GSE1: variants seen among roughly 807,000 people sequenced by gnomAD.
GSE1 encodes the protein Gse1 coiled-coil protein, also known as genetic suppressor element 1.
In GSE1, 32 loss-of-function variants were observed where a neutral mutation model predicts 112.6. The observed-to-expected ratio is 0.28, with a 90% CI of 0.21 to 0.38. The LOEUF (loss-of-function observed/expected upper bound fraction) is 0.38, where lower values mean the gene tolerates loss of function less well. Among genes scored for constraint, GSE1 ranks in the 10% least tolerant of loss-of-function variants. GSE1 has a pLI of 1.00. For missense variants in GSE1, 2,348 were observed against 1,699.2 expected (o/e 1.38, Z -6.71); for synonymous variants, 1,115 against 735.6 (o/e 1.52, Z -8.35).
chr16:85,556,760 C>T (rs989951062), intron 1 of GSE1, among the ~76,000 whole-genome samples: 14 of 145,808 alleles, frequency 9.6e-5, no homozygotes, highest in East Asian at 8.3e-4. Flanking sequence ...CCCCCCCCCC[C>T]CCCAGTCCTG....
At chr16:85,599,059 G>C (rs1360734785) in intron 1 of GSE1, among the ~76,000 whole-genome samples, 2 of 152,174 alleles carry the variant, frequency 1.3e-5, no homozygotes. Context: ...TTCGGGTAAG[G>C]CCCACTCACA....
chr16:85,648,017 A>G (rs1003898337), intron 2 of GSE1, among the ~76,000 whole-genome samples: 3 of 149,146 alleles, frequency 2.0e-5, no homozygotes, highest in Non-Finnish European at 3.0e-5. Flanking sequence ...GGGAAGACTC[A>G]GAGGCTTGGG....
At chr16:85,614,314 C>G (rs932233067) in intron 1 of GSE1, among the ~76,000 whole-genome samples, 1 of 152,142 alleles carries the variant, frequency 6.6e-6, no homozygotes, top group African/African-American at 2.4e-5. Flanking sequence ...CCAGAGACAC[C>G]TCCTCGGCCG....
At chr16:85,441,840 C>T (rs1161794589) in intron 2 of GSE1, among the ~76,000 whole-genome samples, 2 of 152,194 alleles carry the variant, frequency 1.3e-5, no homozygotes, top group Non-Finnish European at 2.9e-5. Context: ...CTCCTCGCAG[C>T]AGCCAGAGGG....
chr16:85,365,983 G>A (rs546898609), intron 2 of GSE1, among the ~76,000 whole-genome samples: 33 of 152,358 alleles, frequency 2.2e-4, no homozygotes, highest in African/African-American at 6.5e-4. Context: ...CCTGGCACAC[G>A]GGAATGTGTG....
At chr16:85,521,802 A>AC in intron 2 of GSE1, among the ~76,000 whole-genome samples, 1 of 152,234 alleles carries the variant, frequency 6.6e-6, no homozygotes, top group Non-Finnish European at 1.5e-5. Flanking sequence ...GAGTGTTCTC[A>AC]CCCCATAAAA....
At chr16:85,334,173 C>G (rs1198890529) in intron 1 of GSE1, among the ~76,000 whole-genome samples, 1 of 152,244 alleles carries the variant, frequency 6.6e-6, no homozygotes, top group Non-Finnish European at 1.5e-5. Context: ...TGTGTCGGCA[C>G]TCCTCTACTC....
chr16:85,455,254 C>T (rs1366954469), intron 2 of GSE1, among the ~76,000 whole-genome samples: 1 of 152,206 alleles, frequency 6.6e-6, no homozygotes, highest in Non-Finnish European at 1.5e-5. Flanking sequence ...GGCGTGGTGG[C>T]ACATGCCTGT....
chr16:85,549,539 G>A (rs903284930), intron 2 of GSE1, among the ~76,000 whole-genome samples: 15 of 152,228 alleles, frequency 9.9e-5, no homozygotes, highest in African/African-American at 1.4e-4. Flanking sequence ...GGCTGGGGAT[G>A]CCTCGGTCCC....
chr16:85,658,235 G>A (rs1329188427), intron 8 of GSE1, among the ~76,000 whole-genome samples: 1 of 152,180 alleles, frequency 6.6e-6, no homozygotes, highest in African/African-American at 2.4e-5. Context: ...GCTGGTCCCA[G>A]GCCCCCACGT....
intron 1 of GSE1, among the ~76,000 whole-genome samples, chr16:85,345,961 C>G (rs570543483): frequency 6.6e-6 from 1 of 151,218 alleles, no homozygotes; most frequent in Non-Finnish European, 1.5e-5. Flanking sequence ...CACATGGACA[C>G]GTCAATGAAT....
At chr16:85,478,232 T>G (rs1318486882) in intron 2 of GSE1, among the ~76,000 whole-genome samples, 1 of 152,078 alleles carries the variant, frequency 6.6e-6, no homozygotes, top group African/African-American at 2.4e-5. Context: ...CTGAGGAATA[T>G]TCCATGGCAT....
intron 1 of GSE1, among the ~76,000 whole-genome samples, chr16:85,294,639 CTCTCTCTCTCTCTCTCTCTG>C (rs2045314255): frequency 4.3e-5 from 6 of 140,676 alleles, no homozygotes; most frequent in Admixed American, 2.1e-4. Context: ...CTCTCTCTCT[CTCTCTCTCTCTCTCTCTCTG>C]TCTCTCTCTC....
At chr16:85,375,858 G>A (rs1441067068) in intron 2 of GSE1, among the ~76,000 whole-genome samples, 2 of 152,204 alleles carry the variant, frequency 1.3e-5, no homozygotes, top group Non-Finnish European at 2.9e-5. Context: ...TGTATTAAGT[G>A]CCTACTGCAT....
At chr16:85,404,718 A>T (rs796504945) in intron 2 of GSE1, among the ~76,000 whole-genome samples, 46 of 20,462 alleles carry the variant, frequency 2.2e-3, no homozygotes, top group East Asian at 8.3e-3. Flanking sequence ...TCACTGTTAC[A>T]CTCAGGCCCC....
At chr16:85,252,085 A>T (rs1906546684) in intron 1 of GSE1, among the ~76,000 whole-genome samples, 1 of 152,172 alleles carries the variant, frequency 6.6e-6, no homozygotes, top group African/African-American at 2.4e-5. Context: ...GACTCCGGAG[A>T]CCCAGGGCTG....
intron 2 of GSE1, among the ~76,000 whole-genome samples, chr16:85,400,764 T>C (rs1478711614): frequency 2.6e-5 from 4 of 151,388 alleles, no homozygotes; most frequent in African/African-American, 9.7e-5. Flanking sequence ...CGTGTGTCTC[T>C]GTGATGTGTG....
At chr16:85,309,327 A>G (rs1362828689) in intron 1 of GSE1, among the ~76,000 whole-genome samples, 1 of 151,988 alleles carries the variant, frequency 6.6e-6, no homozygotes, top group Non-Finnish European at 1.5e-5. Context: ...TGAGACCCCT[A>G]TCTCTACAAA....
chr16:85,274,554 G>T (rs966383827), intron 1 of GSE1, among the ~76,000 whole-genome samples: 1 of 152,256 alleles, frequency 6.6e-6, no homozygotes, highest in African/African-American at 2.4e-5. Context: ...GGCCTCAGGA[G>T]TGTGAAGAGG....
Sources: allele counts gnomAD v4.1 joint callset (sites outside exome capture counted in the v4.1 genomes callset), GRCh38; gene constraint gnomAD v4.1.1; transcripts MANE v1.5; gene names NCBI Gene and HGNC (gene_info 2026-07-23, HGNC 2026-07-21).